The following STPG2 variants were observed in gnomAD, a reference collection of about 807,000 sequenced individuals.
The protein encoded by STPG2 is sperm tail PG-rich repeat containing 2, also known as sperm-tail PG-rich repeat-containing protein 2.
A neutral mutation model predicts 54.2 loss-of-function variants in STPG2; 56 were observed. That is an observed-to-expected ratio of 1.03 (90% CI 0.83 to 1.29). The LOEUF (loss-of-function observed/expected upper bound fraction) is 1.29, where lower values mean the gene tolerates loss of function less well. Ranked by LOEUF, STPG2 falls within the 50% of genes most tolerant of loss-of-function variation. STPG2 has a pLI of 0.00. For missense variants in STPG2, 596 were observed against 544.9 expected, an observed-to-expected ratio of 1.09 and a Z score of -0.93; for synonymous variants, 200 against 181.8, an observed-to-expected ratio of 1.10 and a Z score of -0.81.
chr4:97,539,780 TCAGAC>T (rs1731646157), intron 4 of STPG2, among the ~76,000 whole-genome samples: 1 of 151,868 alleles, frequency 6.6e-6, no homozygotes, highest in African/African-American at 2.4e-5. Flanking sequence ...GCACCTATTC[TCAGAC>T]CAAAGTGCAA....
intron 9 of STPG2, among the ~76,000 whole-genome samples, chr4:97,757,096 C>T (rs588851): frequency 0.58 from 87,431 of 151,920 alleles, 25,687 homozygotes; most frequent in East Asian, 0.74. Flanking sequence ...ATGAAAGATA[C>T]GAGAAATATG....
chr4:97,911,236 C>T (rs1389254470), intron 8 of STPG2, among the ~76,000 whole-genome samples: 2 of 152,080 alleles, frequency 1.3e-5, no homozygotes, highest in Non-Finnish European at 2.9e-5. Context: ...ATCTGGCACA[C>T]ACAGAAACAC....
intron 7 of STPG2, among the ~76,000 whole-genome samples, chr4:97,963,896 T>G (rs948729810): frequency 3.3e-5 from 5 of 152,130 alleles, no homozygotes; most frequent in Non-Finnish European, 7.4e-5. Flanking sequence ...AAACTTGTTC[T>G]TATATTTAAT....
chr4:97,771,847 A>G (rs1726229452), intron 9 of STPG2, among the ~76,000 whole-genome samples: 1 of 152,166 alleles, frequency 6.6e-6, no homozygotes, highest in Non-Finnish European at 1.5e-5. Context: ...GCAAAGGGAG[A>G]AATAAGAGTG....
intron 4 of STPG2, among the ~76,000 whole-genome samples, chr4:97,472,280 A>C (rs1729956345): frequency 6.6e-6 from 1 of 152,182 alleles, no homozygotes; most frequent in South Asian, 2.1e-4. Flanking sequence ...AATTGCTGGA[A>C]GCTCAGTGTG....
chr4:97,936,026 G>C (rs1732734442), intron 8 of STPG2, among the ~76,000 whole-genome samples: 1 of 152,198 alleles, frequency 6.6e-6, no homozygotes, highest in Non-Finnish European at 1.5e-5. Context: ...TCTCTTCGTA[G>C]GTCTCTAAGA....
chr4:98,071,651 T>G (rs1289308167), intron 5 of STPG2, among the ~76,000 whole-genome samples: 1 of 152,124 alleles, frequency 6.6e-6, no homozygotes, highest in Non-Finnish European at 1.5e-5. Flanking sequence ...GAGAAAAATT[T>G]TGCAATATAT....
intron 10 of STPG2, among the ~76,000 whole-genome samples, chr4:97,619,749 C>T (rs900046574): frequency 2.0e-5 from 3 of 151,904 alleles, no homozygotes; most frequent in Non-Finnish European, 4.4e-5. Flanking sequence ...CTCTCTTGCC[C>T]TTCCTAAGTA....
At chr4:97,862,435 G>T (rs1729588439) in intron 8 of STPG2, among the ~76,000 whole-genome samples, 2 of 152,090 alleles carry the variant, frequency 1.3e-5, no homozygotes, top group Admixed American at 6.6e-5. Context: ...AGAGCACCCA[G>T]ATTCATAAAG....
chr4:97,899,931 A>T (rs986249203), intron 8 of STPG2, among the ~76,000 whole-genome samples: 3 of 152,162 alleles, frequency 2.0e-5, no homozygotes, highest in African/African-American at 7.2e-5. Flanking sequence ...CATGACAAAG[A>T]TACTGAAAGC....
intron 10 of STPG2, among the ~76,000 whole-genome samples, chr4:97,676,125 TA>T (rs897129462): frequency 1.0e-4 from 15 of 148,904 alleles, no homozygotes; most frequent in Non-Finnish European, 1.5e-4. Flanking sequence ...TGTATATATA[TA>T]TTTTTTTGCT....
downstream of STPG2, among the ~76,000 whole-genome samples, chr4:97,555,392 C>T (rs989707806): frequency 6.6e-6 from 1 of 152,066 alleles, no homozygotes; most frequent in African/African-American, 2.4e-5. Context: ...TATTTTTCCT[C>T]TCCTATACTG....
At chr4:97,909,982 A>T (rs1731616827) in intron 8 of STPG2, among the ~76,000 whole-genome samples, 1 of 152,180 alleles carries the variant, frequency 6.6e-6, no homozygotes, top group Admixed American at 6.5e-5. Flanking sequence ...TTGTAAAGTC[A>T]CTTTCCATAG....
intron 9 of STPG2, among the ~76,000 whole-genome samples, chr4:97,791,921 A>G (rs998159253): frequency 6.6e-6 from 1 of 152,146 alleles, no homozygotes; most frequent in Admixed American, 6.5e-5. Flanking sequence ...AGGAAAAAAA[A>G]TTACATTGGT....
intron 9 of STPG2, among the ~76,000 whole-genome samples, chr4:97,728,202 C>T (rs1452450627): frequency 2.6e-5 from 4 of 151,856 alleles, no homozygotes; most frequent in African/African-American, 9.7e-5. Context: ...TCTTCAACCT[C>T]TTTCTCCTCT....
At chr4:98,045,811 G>T (rs748828464) in intron 5 of STPG2, among the ~76,000 whole-genome samples, 9 of 152,008 alleles carry the variant, frequency 5.9e-5, no homozygotes, top group Non-Finnish European at 7.4e-5. Flanking sequence ...TCTAGCATTT[G>T]ACCACTTGTA....
At chr4:97,647,449 T>C (rs1721942846) in intron 10 of STPG2, among the ~76,000 whole-genome samples, 1 of 152,140 alleles carries the variant, frequency 6.6e-6, no homozygotes, top group Non-Finnish European at 1.5e-5. Flanking sequence ...CCTGGCCTGA[T>C]ATTACTACTG....
chr4:98,083,731 AAT>A (rs942815415), intron 5 of STPG2, among the ~76,000 whole-genome samples: 8 of 152,326 alleles, frequency 5.3e-5, no homozygotes, highest in South Asian at 4.1e-4. Context: ...ATTTGCAAAC[AAT>A]ATGAGTTTTG....
At chr4:97,807,963 A>C (rs1234792466) in intron 9 of STPG2, among the ~76,000 whole-genome samples, 1 of 151,982 alleles carries the variant, frequency 6.6e-6, no homozygotes, top group Non-Finnish European at 1.5e-5. Flanking sequence ...GATGTTTTTG[A>C]ATTCTCCACA....
Sources: gnomAD v4.1 joint callset for allele counts (sites outside exome capture counted in the v4.1 genomes callset) on GRCh38, gnomAD v4.1.1 for gene constraint, MANE v1.5 for transcripts, NCBI Gene and HGNC (gene_info 2026-07-23, HGNC 2026-07-21) for gene names.